MOB3B: variants seen among roughly 807,000 people sequenced by gnomAD.
MOB3B encodes MOB kinase activator 3B, also known as MOB kinase activator-like 2B.
In MOB3B, 7 loss-of-function variants were observed where a neutral mutation model predicts 18.7. The observed-to-expected ratio is 0.37, with a 90% CI of 0.21 to 0.70. The LOEUF (loss-of-function observed/expected upper bound fraction) is 0.70, where lower values mean the gene tolerates loss of function less well. Ranked by LOEUF, MOB3B falls within the 30% of genes least tolerant of loss-of-function variation. The pLI is 0.52. For missense variants in MOB3B, 253 were observed against 281.3 expected (o/e 0.90, Z 0.72); for synonymous variants, 111 against 99.9 (o/e 1.11, Z -0.66).
chr9:27,412,060 G>A (rs1490395291), intron 2 of MOB3B, among the ~76,000 whole-genome samples: 3 of 151,782 alleles, frequency 2.0e-5, no homozygotes, highest in African/African-American at 4.8e-5. Context: ...ATTTAGGGTC[G>A]TTTCATTAAC....
rs115038565 is a variant in MOB3B, at chr9:27,472,886, G to A, written c.-198-17138C>T. ...TGAAAACTGAAAAATACAGAGTTCC[G>A]CAAACACAAGTTAAGACTGTCATTT... On this transcript the variant is annotated intron_variant, in intron 1 of 3. Coordinates refer to ENST00000262244, the MANE Select transcript of MOB3B (RefSeq NM_024761.5). Among the ~76,000 whole-genome samples, 732 of 152,214 alleles carry A rather than the reference G, an allele frequency of 4.8e-3. 5 individuals carry two copies. The highest frequency in any genetic ancestry group is 0.017 in the African/African-American group (693 of 41,534).
chr9:27,454,914 C>A (rs537526363), intron 2 of MOB3B, among the ~76,000 whole-genome samples: 1 of 152,148 alleles, frequency 6.6e-6, no homozygotes, highest in Non-Finnish European at 1.5e-5. Flanking sequence ...TGTTCCCCAG[C>A]ATGTGGTATG....
intron 2 of MOB3B, among the ~76,000 whole-genome samples, chr9:27,445,367 A>G (rs771751553): frequency 2.6e-5 from 4 of 152,170 alleles, no homozygotes; most frequent in Non-Finnish European, 5.9e-5. Flanking sequence ...AGCTTACGTA[A>G]GGAGAGGAGC....
At chr9:27,407,766 G>C (rs533857005) in intron 2 of MOB3B, among the ~76,000 whole-genome samples, 50 of 152,260 alleles carry the variant, frequency 3.3e-4, no homozygotes, top group African/African-American at 1.2e-3. Flanking sequence ...TGGGAAGGTG[G>C]AGAGAGGCTT....
At chr9:27,500,599 A>G (rs958587953) in intron 1 of MOB3B, among the ~76,000 whole-genome samples, 4 of 152,234 alleles carry the variant, frequency 2.6e-5, no homozygotes, top group Non-Finnish European at 2.9e-5. Flanking sequence ...AAATTAATTC[A>G]AGATGGATTA....
intron 3 of MOB3B, among the ~76,000 whole-genome samples, chr9:27,357,284 TTG>T (rs1386895468): frequency 6.6e-6 from 1 of 150,814 alleles, no homozygotes; most frequent in Non-Finnish European, 1.5e-5. Context: ...CTTTTATTTT[TTG>T]TGTTTCGATT....
intron 1 of MOB3B, among the ~76,000 whole-genome samples, chr9:27,515,504 A>T (rs1328539448): frequency 2.0e-5 from 3 of 152,206 alleles, no homozygotes; most frequent in Non-Finnish European, 4.4e-5. Context: ...TACATTGCAT[A>T]GTAACTGTGA....
chr9:27,502,343 A>G (rs1317595728), intron 1 of MOB3B, among the ~76,000 whole-genome samples: 3 of 152,154 alleles, frequency 2.0e-5, no homozygotes, highest in Admixed American at 6.5e-5. Context: ...CCCTATTCAT[A>G]TACTTATTTT....
chr9:27,499,652 G>A (rs995404756), intron 1 of MOB3B, among the ~76,000 whole-genome samples: 18 of 152,186 alleles, frequency 1.2e-4, no homozygotes, highest in Non-Finnish European at 1.6e-4. Flanking sequence ...GCCATTTCTC[G>A]TTAGAATGGC....
chr9:27,359,535 A>G, intron 2 of MOB3B, among the ~76,000 whole-genome samples: 1 of 152,198 alleles, frequency 6.6e-6, no homozygotes, highest in Admixed American at 6.5e-5. Context: ...ATTTAGAGTT[A>G]TACTTGGACC....
chr9:27,442,135 T>C (rs948117375), intron 2 of MOB3B, among the ~76,000 whole-genome samples: 2 of 152,212 alleles, frequency 1.3e-5, no homozygotes, highest in African/African-American at 4.8e-5. Context: ...CTTATTACTT[T>C]CTCAATTAAT....
rs559806304 is a variant in MOB3B at position 27,416,544 on chromosome 9, ATTTTT to A, written c.418+38584_418+38588del. On this transcript the variant is annotated intron_variant, in intron 2 of 3. Coordinates refer to ENST00000262244, the MANE Select transcript of MOB3B (RefSeq NM_024761.5). Reference sequence around the variant, plus strand: ...GAACCCCTGGAGTAATTTCTTTTTAATTTTTTTTTTTTTTTTTTTTTTTTTTGAGA... The same window carrying A: ...GAACCCCTGGAGTAATTTCTTTTTAATTTTTTTTTTTTTTTTTTTTTGAGA... 1.4e-3 allele frequency among the ~76,000 whole-genome samples: 164 copies of A among 121,422 alleles called. 12 individuals carry two copies. The highest frequency in any genetic ancestry group is 3.0e-3 in the Admixed American group (31 of 10,486). The allele number at this position is 121,422 out of a possible 152,430, so 79.7% of individuals were successfully genotyped here.
intron 3 of MOB3B, among the ~76,000 whole-genome samples, chr9:27,337,859 G>A (rs1177678949): frequency 6.6e-6 from 1 of 152,204 alleles, no homozygotes; most frequent in African/African-American, 2.4e-5. Context: ...TGGTATTGTG[G>A]TAAGGCATTC....
rs201756098 is a variant in MOB3B at position 27,444,186 on chromosome 9, A to G, written c.418+10947T>C. ...AGGAAGGAAGGAAAGAAGGAAGGAA[A>G]GAAAGAAAGAAAGAAAAAGAAAGAA... On this transcript the variant is annotated intron_variant, in intron 2 of 3. Coordinates refer to ENST00000262244, the MANE Select transcript of MOB3B (RefSeq NM_024761.5). 1.3e-3 allele frequency among the ~76,000 whole-genome samples: 177 copies of G among 133,278 alleles called. 1 individual carries two copies. Among genetic ancestry groups the G allele is most frequent in the Middle Eastern group, 3.9e-3 (1 of 258 alleles). 87.4% of individuals were successfully genotyped at this position (133,278 alleles called of 152,430 possible).
chr9:27,337,149 G>A (rs1477320742), intron 3 of MOB3B, among the ~76,000 whole-genome samples: 1 of 152,220 alleles, frequency 6.6e-6, no homozygotes, highest in African/African-American at 2.4e-5. Context: ...TGGCTGGGCT[G>A]GGGGTGGACA....
rs1587241649 is a variant in MOB3B, at chr9:27,474,294, C to G, written c.-198-18546G>C. Among the ~76,000 whole-genome samples, 2 of 152,186 alleles carry G rather than the reference C, an allele frequency of 1.3e-5. 1 individual carries two copies. Among genetic ancestry groups the G allele is most frequent in the East Asian group, 3.9e-4 (2 of 5,182 alleles). On this transcript the variant is annotated intron_variant, in intron 1 of 3. Coordinates refer to ENST00000262244, the MANE Select transcript of MOB3B (RefSeq NM_024761.5). ...CCTTTTAAGTAAAGTTTCTTTCTGA[C>G]TAATAAGGAAATAAATGTATACCTC...
intron 2 of MOB3B, among the ~76,000 whole-genome samples, chr9:27,368,577 A>G (rs1436429612): frequency 1.3e-5 from 2 of 152,164 alleles, no homozygotes; most frequent in Non-Finnish European, 2.9e-5. Flanking sequence ...AAAAAAGAGA[A>G]AACAAAGTCC....
At chr9:27,405,093 C>CTTTTTTTTTTTTTTTTTTTTTTT (rs74178386) in intron 2 of MOB3B, among the ~76,000 whole-genome samples, 6 of 48,370 alleles carry the variant, frequency 1.2e-4, no homozygotes, top group Non-Finnish European at 1.7e-4. Flanking sequence ...GAACCTTTGT[C>CTTTTTTTTTTTTTTTTTTTTTTT]TTTTTTTTTT....
rs1822857610 is a variant in MOB3B, at chr9:27,455,612, G to A, written c.-62C>T. 6.2e-7 allele frequency: 1 copy of A among 1,606,626 alleles called. No individual in the cohort carries two copies. Among genetic ancestry groups the A allele is most frequent in the African/African-American group, 1.3e-5 (1 of 74,672 alleles). On this transcript the variant is annotated 5_prime_UTR_variant, in exon 2 of 4. Coordinates refer to ENST00000262244, the MANE Select transcript of MOB3B (RefSeq NM_024761.5). ...GAAAAGGCACCTGGAACTTTTCAGG[G>A]AGAGATCACAGCCCAACAGTGTTTT...
Sources: gnomAD v4.1 joint callset for allele counts (sites outside exome capture counted in the v4.1 genomes callset) on GRCh38, gnomAD v4.1.1 for gene constraint, MANE v1.5 for transcripts, NCBI Gene and HGNC (gene_info 2026-07-23, HGNC 2026-07-21) for gene names.